The following REDIC1 variants were observed in gnomAD, a reference collection of about 807,000 sequenced individuals.
REDIC1 encodes the protein HEI10 Interacting Protein 1.
At chr12:39,643,206 T>A in the REDIC1 span, among the ~76,000 whole-genome samples, 2 of 151,608 alleles carry the variant, frequency 1.3e-5, no homozygotes, top group Non-Finnish European at 3.0e-5. Context: ...ATAATAACAG[T>A]TCAAACAGAA....
At chr12:39,703,261 A>G in the REDIC1 span, among the ~76,000 whole-genome samples, 1 of 150,958 alleles carries the variant, frequency 6.6e-6, no homozygotes, top group African/African-American at 2.4e-5. Context: ...TCAATGTACA[A>G]AAATCACAAG....
the REDIC1 span, among the ~76,000 whole-genome samples, chr12:39,648,893 A>G: frequency 1.3e-5 from 2 of 151,758 alleles, no homozygotes; most frequent in African/African-American, 4.8e-5. Flanking sequence ...CTTCCCAGAT[A>G]AGAGAAAATG....
chr12:39,853,404 C>T, the REDIC1 span, among the ~76,000 whole-genome samples: 16 of 151,778 alleles, frequency 1.1e-4, no homozygotes, highest in East Asian at 1.2e-3. Flanking sequence ...AATTCTAACA[C>T]TCTTTAAAAA....
At chr12:39,758,211 G>A in the REDIC1 span, 1 of 151,480 alleles carries the variant, frequency 6.6e-6, no homozygotes, top group African/African-American at 2.4e-5. Flanking sequence ...ATGACCAAAG[G>A]GAGAAAACGT....
chr12:39,677,866 C>A, the REDIC1 span, among the ~76,000 whole-genome samples: 1 of 152,020 alleles, frequency 6.6e-6, no homozygotes, highest in Non-Finnish European at 1.5e-5. Flanking sequence ...GAAATCAAGA[C>A]GGAAATCTAA....
the REDIC1 span, among the ~76,000 whole-genome samples, chr12:39,844,156 C>T: frequency 6.6e-6 from 1 of 152,054 alleles, no homozygotes; most frequent in African/African-American, 2.4e-5. Flanking sequence ...ACACACATGC[C>T]TCCTTCCAAT....
At chr12:39,767,713 C>T in the REDIC1 span, among the ~76,000 whole-genome samples, 3 of 152,056 alleles carry the variant, frequency 2.0e-5, no homozygotes, top group African/African-American at 4.8e-5. Flanking sequence ...ATAGTCTCCA[C>T]GTTGTGGGAG....
the REDIC1 span, chr12:39,907,880 C>G: frequency 1.3e-5 from 2 of 152,092 alleles, no homozygotes; most frequent in Non-Finnish European, 2.9e-5. Context: ...AGAATGGAGC[C>G]TTAGAATCAA....
At chr12:39,677,334 TA>T in the REDIC1 span, among the ~76,000 whole-genome samples, 42 of 151,806 alleles carry the variant, frequency 2.8e-4, no homozygotes, top group Non-Finnish European at 5.3e-4. Flanking sequence ...CAAAAACAGT[TA>T]AAAAAGACAA....
chr12:39,665,094 A>G, the REDIC1 span, among the ~76,000 whole-genome samples: 2,472 of 152,084 alleles, frequency 0.016, 63 homozygotes, highest in African/African-American at 0.054. Context: ...CCATTTGTCA[A>G]TTTTGGCTTT....
the REDIC1 span, among the ~76,000 whole-genome samples, chr12:39,842,625 T>TGA: frequency 6.2e-3 from 937 of 152,162 alleles, 11 homozygotes; most frequent in African/African-American, 0.021. Flanking sequence ...AATTTTTTAC[T>TGA]GAGATAAAAT....
At chr12:39,718,653 A>T in the REDIC1 span, among the ~76,000 whole-genome samples, 18 of 152,060 alleles carry the variant, frequency 1.2e-4, no homozygotes, top group African/African-American at 4.3e-4. Context: ...CTTCCTAATA[A>T]ATATCCTATG....
chr12:39,676,117 G>C, the REDIC1 span, among the ~76,000 whole-genome samples: 1 of 151,764 alleles, frequency 6.6e-6, no homozygotes, highest in Admixed American at 6.6e-5. Flanking sequence ...TGAATTGCCA[G>C]ATAAAGAATT....
chr12:39,709,683 C>T, the REDIC1 span, among the ~76,000 whole-genome samples: 8 of 151,558 alleles, frequency 5.3e-5, no homozygotes, highest in Admixed American at 4.6e-4. Context: ...CCTTCTTTTT[C>T]GTTGCTGAAT....
the REDIC1 span, among the ~76,000 whole-genome samples, chr12:39,906,037 A>G: frequency 6.6e-6 from 1 of 152,184 alleles, no homozygotes. Flanking sequence ...AACACCATAA[A>G]TGCTAAAAAC....
At chr12:39,627,419 T>G in the REDIC1 span, among the ~76,000 whole-genome samples, 2 of 152,232 alleles carry the variant, frequency 1.3e-5, no homozygotes, top group Non-Finnish European at 2.9e-5. Flanking sequence ...TAAATAGGAT[T>G]ATATGAAATA....
the REDIC1 span, among the ~76,000 whole-genome samples, chr12:39,791,121 C>A: frequency 6.6e-6 from 1 of 151,254 alleles, no homozygotes; most frequent in Non-Finnish European, 1.5e-5. Context: ...TGGATATTAG[C>A]CCTTTGTCAG....
chr12:39,896,511 T>C, the REDIC1 span, among the ~76,000 whole-genome samples: 4 of 147,650 alleles, frequency 2.7e-5, no homozygotes. Context: ...TGTATGTACA[T>C]GTGTGTATAC....
chr12:39,679,432 T>C, the REDIC1 span, among the ~76,000 whole-genome samples: 2 of 151,678 alleles, frequency 1.3e-5, no homozygotes, highest in African/African-American at 4.8e-5. Context: ...AAAATACACC[T>C]AACCAAGGAG....
Sources: allele counts gnomAD v4.1 joint callset (sites outside exome capture counted in the v4.1 genomes callset), GRCh38; gene constraint gnomAD v4.1.1; transcripts MANE v1.5; gene names NCBI Gene and HGNC (gene_info 2026-07-23, HGNC 2026-07-21).